The following MKLN1 variants were observed in gnomAD, a reference collection of about 807,000 sequenced individuals.
MKLN1 encodes the protein muskelin.
A neutral mutation model predicts 99.0 loss-of-function variants in MKLN1; 18 were observed. That is an observed-to-expected ratio of 0.18 (90% CI 0.13 to 0.27). MKLN1 has a LOEUF of 0.27. Ranked by LOEUF, MKLN1 falls within the 10% of genes least tolerant of loss-of-function variation. The probability of loss-of-function intolerance (pLI) is 1.00; values close to 1 mark genes in which losing one functional copy is unlikely to be tolerated. For synonymous variants in MKLN1, 288 were observed against 293.2 expected, an observed-to-expected ratio of 0.98 and a Z score of 0.18; for missense variants, 621 against 875.9, an observed-to-expected ratio of 0.71 and a Z score of 3.67.
chr7:131,265,501 T>C (rs1032286701), intron 3 of MKLN1, among the ~76,000 whole-genome samples: 8 of 152,120 alleles, frequency 5.3e-5, no homozygotes, highest in Non-Finnish European at 1.2e-4. Flanking sequence ...CTTCCCTGAT[T>C]CCCCGATGCC....
At chr7:131,272,773 A>G (rs112143149) in intron 3 of MKLN1, among the ~76,000 whole-genome samples, 1 of 152,316 alleles carries the variant, frequency 6.6e-6, no homozygotes, top group African/African-American at 2.4e-5. Flanking sequence ...TGATAAACCC[A>G]TCAGATCTTG....
chr7:131,242,679 G>T, intron 3 of MKLN1: 1 of 622,242 alleles, frequency 1.6e-6, no homozygotes, highest in South Asian at 1.6e-5. Flanking sequence ...GAAGAACATT[G>T]ATGATGGTAC....
chr7:131,182,653 T>C (rs1796392513), intron 2 of MKLN1, among the ~76,000 whole-genome samples: 1 of 151,170 alleles, frequency 6.6e-6, no homozygotes, highest in African/African-American at 2.4e-5. Context: ...AATAAAGACT[T>C]ACAAATAAAT....
intron 8 of MKLN1, among the ~76,000 whole-genome samples, chr7:131,421,999 A>G (rs768942970): frequency 5.9e-5 from 9 of 152,348 alleles, no homozygotes; most frequent in Non-Finnish European, 1.2e-4. Flanking sequence ...AGGTAGGTTT[A>G]GTAGTGAAGA....
At chr7:131,182,246 T>C (rs1796387409) in intron 2 of MKLN1, among the ~76,000 whole-genome samples, 1 of 152,238 alleles carries the variant, frequency 6.6e-6, no homozygotes, top group Non-Finnish European at 1.5e-5. Flanking sequence ...GTCCTGCAGT[T>C]GACACTGTAT....
intron 3 of MKLN1, among the ~76,000 whole-genome samples, chr7:131,301,351 TGTA>T (rs1394950346): frequency 6.6e-6 from 1 of 152,194 alleles, no homozygotes; most frequent in Admixed American, 6.5e-5. Flanking sequence ...GTGCTATACA[TGTA>T]GTAACTGGCA....
At chr7:131,317,862 G>A (rs956063314) in intron 3 of MKLN1, among the ~76,000 whole-genome samples, 2 of 148,818 alleles carry the variant, frequency 1.3e-5, no homozygotes, top group Admixed American at 6.7e-5. Context: ...GGGCATTACA[G>A]AATGGTAAAG....
intron 16 of MKLN1, among the ~76,000 whole-genome samples, chr7:131,475,652 A>C (rs536610006): frequency 6.6e-6 from 1 of 152,286 alleles, no homozygotes; most frequent in South Asian, 2.1e-4. Context: ...TCTCTACAAA[A>C]ACATGCAAAA....
At chr7:131,298,009 C>T (rs1275317535) in intron 3 of MKLN1, among the ~76,000 whole-genome samples, 1 of 152,134 alleles carries the variant, frequency 6.6e-6, no homozygotes, top group Non-Finnish European at 1.5e-5. Flanking sequence ...GACGGCCGGG[C>T]GCGGTGGCTC....
chr7:131,340,185 C>A (rs1035308794), intron 1 of MKLN1, among the ~76,000 whole-genome samples: 1 of 152,002 alleles, frequency 6.6e-6, no homozygotes, highest in African/African-American at 2.4e-5. Context: ...CCCCCCTTTC[C>A]CCTTTGTTCT....
intron 3 of MKLN1, among the ~76,000 whole-genome samples, chr7:131,254,097 CA>C (rs1410081519): frequency 6.6e-6 from 1 of 152,152 alleles, no homozygotes. Flanking sequence ...CCAACAGAGG[CA>C]GAGAACGTAA....
rs1298159406 is a variant in MKLN1, at chr7:131,487,904, C to T, written c.*176C>T. On this transcript the variant is annotated 3_prime_UTR_variant, in exon 18 of 18. Transcript: ENST00000352689. This position sits in a 1 kb window ranked among gnomAD's most constrained non-coding sequence, Gnocchi z 4.7. The stretch of plus-strand genomic sequence containing the variant: ...TCCTTCATGCCTGACCTCAACCCCG[C>T]TCTCCTCATCCTATTCCTAAATTAG... 8 of 501,752 alleles carry T rather than the reference C, an allele frequency of 1.6e-5. No individual in the cohort carries two copies. The highest frequency in any genetic ancestry group is 2.6e-5 in the Non-Finnish European group (8 of 305,032). The allele number at this position is 501,752 out of a possible 1,614,324, so 31.1% of individuals were successfully genotyped here.
intron 17 of MKLN1, 95 bp downstream of exon 17, chr7:131,478,772 T>G: frequency 7.4e-7 from 1 of 1,358,922 alleles, no homozygotes; most frequent in Non-Finnish European, 1.0e-6. Flanking sequence ...GTGAGATGTT[T>G]CAGTCAAATA....
intron 3 of MKLN1, among the ~76,000 whole-genome samples, chr7:131,206,349 T>C (rs1357497299): frequency 6.6e-6 from 1 of 152,140 alleles, no homozygotes; most frequent in Non-Finnish European, 1.5e-5. Context: ...GATGGGAATC[T>C]TGGGCAGCAA....
chr7:131,458,700 G>A (rs1796420969), intron 12 of MKLN1, among the ~76,000 whole-genome samples: 1 of 151,692 alleles, frequency 6.6e-6, no homozygotes, highest in African/African-American at 2.4e-5. Flanking sequence ...TCTCCTTAAA[G>A]AAGTTTATAT....
chr7:131,134,317 G>T (rs1296349835), intron 1 of MKLN1, among the ~76,000 whole-genome samples: 1 of 151,892 alleles, frequency 6.6e-6, no homozygotes, highest in Non-Finnish European at 1.5e-5. Flanking sequence ...CCAGTCTATT[G>T]CCAGGGTCCT....
At chr7:131,431,461 G>T (rs569441461) in intron 9 of MKLN1, among the ~76,000 whole-genome samples, 3 of 152,266 alleles carry the variant, frequency 2.0e-5, no homozygotes, top group African/African-American at 2.4e-5. Flanking sequence ...TCATTCATTT[G>T]TCTAGGAGTC....
intron 12 of MKLN1, among the ~76,000 whole-genome samples, chr7:131,454,943 AC>A (rs1796291142): frequency 6.6e-6 from 1 of 152,216 alleles, no homozygotes; most frequent in African/African-American, 2.4e-5. Context: ...GAACTCTGAA[AC>A]AATCTTGGAG....
chr7:131,113,425 G>GA (rs1795225939), intron 1 of MKLN1, among the ~76,000 whole-genome samples: 1 of 152,166 alleles, frequency 6.6e-6, no homozygotes, highest in Admixed American at 6.5e-5. Context: ...AGATTAGCAT[G>GA]GTTGAGTATG....
Sources: gnomAD v4.1 joint callset for allele counts (sites outside exome capture counted in the v4.1 genomes callset) on GRCh38, gnomAD v4.1.1 for gene constraint, Gnocchi (gnomAD v3.1) non-coding constraint, MANE v1.5 for transcripts, NCBI Gene and HGNC (gene_info 2026-07-23, HGNC 2026-07-21) for gene names.